The following FAM161B variants were observed in gnomAD, a reference collection of about 807,000 sequenced individuals.
FAM161B encodes the protein protein FAM161B.
Under a neutral mutation model 61.5 loss-of-function variants are expected in FAM161B, and 46 were observed. The observed-to-expected ratio is 0.75, with a 90% CI of 0.59 to 0.96. The LOEUF (loss-of-function observed/expected upper bound fraction) is 0.96, where lower values mean the gene tolerates loss of function less well. Among genes scored for constraint, FAM161B ranks in the 40% least tolerant of loss-of-function variants. The probability of loss-of-function intolerance (pLI) is 0.00; values close to 1 mark genes in which losing one functional copy is unlikely to be tolerated. For synonymous variants in FAM161B, 284 were observed against 302.7 expected, an observed-to-expected ratio of 0.94 and a Z score of 0.64; for missense variants, 774 against 800.7, an observed-to-expected ratio of 0.97 and a Z score of 0.40.
downstream of FAM161B, chr14:73,931,983 G>GT (rs1168096193): frequency 6.6e-6 from 3 of 456,516 alleles, no homozygotes; most frequent in African/African-American, 6.0e-5. Context: ...AAGATGCCTT[G>GT]TTGCTTTGAA....
intron 5 of FAM161B, among the ~76,000 whole-genome samples, chr14:73,938,557 G>C (rs1045484949): frequency 6.6e-6 from 1 of 151,950 alleles, no homozygotes; most frequent in African/African-American, 2.4e-5. Flanking sequence ...CGGATCACAA[G>C]GTCAGGAGAT....
At chr14:73,934,816 T>C (rs2055957525) in intron 8 of FAM161B, among the ~76,000 whole-genome samples, 2 of 151,642 alleles carry the variant, frequency 1.3e-5, no homozygotes. Context: ...TGGGAGGCCA[T>C]GGCAGGTGAA....
At chr14:73,924,671 C>A in the FAM161B span, 1 of 445,818 alleles carries the variant, frequency 2.2e-6, no homozygotes, top group Non-Finnish European at 4.5e-6. Flanking sequence ...GTCTTTTCTC[C>A]TCTTTTCTTT....
chr14:73,924,472 A>G, the FAM161B span, among the ~76,000 whole-genome samples: 1 of 152,158 alleles, frequency 6.6e-6, no homozygotes, highest in Non-Finnish European at 1.5e-5. Context: ...TCAACTCTGT[A>G]GTTTGGCTTT....
rs2055950511 is a variant in FAM161B, at chr14:73,934,145, G to A, written c.*111C>T. 7.7e-7 allele frequency: 1 copy of A among 1,302,094 alleles called. No individual in the cohort carries two copies. The highest frequency in any genetic ancestry group is 1.5e-5 in the African/African-American group (1 of 66,922). The allele number at this position is 1,302,094 out of a possible 1,614,324, so 80.7% of individuals were successfully genotyped here. A position where few individuals can be genotyped will look rare whatever the true frequency, so the allele number is the denominator to read the frequency against. On this transcript the variant is annotated 3_prime_UTR_variant, in exon 9 of 9. Coordinates refer to ENST00000286544, the MANE Select transcript of FAM161B (RefSeq NM_152445.3). ...CCTGTTAATCTGCTACTCTTCATTT[G>A]TCCATCCTCTAACAGTAGCCATGAC...
At position 73,946,407 on chromosome 14, in the gene FAM161B, A is replaced by C; in HGVS notation, c.253T>G (p.Ser85Ala). ...CTCTCTGGGTCAGACTGAAAGAGAG[A>C]CTCCAACAGACACCATCTCCCTTTC... ...KQKGRWCLLE[S>A]LFQSDPESDE... The change falls in exon 2 of 9, where the codon TCT (serine) becomes GCT (alanine). Residue 85 changes from serine (S) to alanine (A), a missense_variant. By Grantham distance (99) the Ser-to-Ala change is moderately conservative. Coordinates refer to ENST00000286544, the MANE Select transcript of FAM161B (RefSeq NM_152445.3). The C allele has an allele frequency of 6.2e-7, 1 of 1,614,014 alleles. No individual in the cohort carries two copies. Among genetic ancestry groups the C allele is most frequent in the South Asian group, 1.1e-5 (1 of 91,068 alleles).
chr14:73,947,246 G>A (rs1022835095), intron 1 of FAM161B, among the ~76,000 whole-genome samples: 6 of 152,018 alleles, frequency 3.9e-5, no homozygotes, highest in Admixed American at 1.3e-4. Flanking sequence ...TTAGTTGGGC[G>A]TGGTGGCGGG....
At chr14:73,942,165 A>AT (rs1256953929) in intron 4 of FAM161B, among the ~76,000 whole-genome samples, 34 of 150,382 alleles carry the variant, frequency 2.3e-4, no homozygotes, top group South Asian at 1.9e-3. Context: ...AAATATTTGT[A>AT]TTTTTCTTTT....
rs777366901 is a variant in FAM161B, at chr14:73,940,963, T to C, written c.1363A>G (p.Ile455Val). The C allele has an allele frequency of 6.2e-7, 1 of 1,613,710 alleles. No homozygotes were observed. Among genetic ancestry groups the C allele is most frequent in the Non-Finnish European group, 8.5e-7 (1 of 1,179,766 alleles). ...TCCCTCTTCCTGGTGGCATCTGTGATGTGCACAGGGAGAGTGTTGGCAGAG... is the reference window on the plus strand; with the variant it reads ...TCCCTCTTCCTGGTGGCATCTGTGACGTGCACAGGGAGAGTGTTGGCAGAG... ...SLSANTLPVHITDATRKRESA... is the reference protein window; with the variant it reads ...SLSANTLPVHVTDATRKRESA... Residue 455 changes from isoleucine to valine, a missense_variant, in exon 5 of 9, where the codon ATC becomes GTC. Physicochemically the swap from Ile to Val is conservative, Grantham distance 29. Coordinates refer to ENST00000286544, the MANE Select transcript of FAM161B (RefSeq NM_152445.3).
intron 5 of FAM161B, among the ~76,000 whole-genome samples, chr14:73,939,978 C>T (rs2056003633): frequency 6.6e-6 from 1 of 152,160 alleles, no homozygotes; most frequent in African/African-American, 2.4e-5. Context: ...AATTAATTAG[C>T]CCTGATTTAG....
At chr14:73,924,185 C>T in the FAM161B span, among the ~76,000 whole-genome samples, 3 of 152,164 alleles carry the variant, frequency 2.0e-5, no homozygotes, top group Non-Finnish European at 2.9e-5. Flanking sequence ...TTCGTTTCAC[C>T]TCAGGTCATC....
rs763713080 is a variant in FAM161B at position 73,946,527 on chromosome 14, T to C, written c.133A>G (p.Ser45Gly). 1.9e-6 allele frequency: 3 copies of C among 1,614,228 alleles called. No individual in the cohort carries two copies. Among genetic ancestry groups the C allele is most frequent in the Non-Finnish European group, 2.5e-6 (3 of 1,180,040 alleles). The change falls in exon 2 of 9, where the codon AGC becomes GGC. Residue 45 changes from serine (S) to glycine (G), a missense_variant. Coordinates refer to ENST00000286544, the MANE Select transcript of FAM161B (RefSeq NM_152445.3). ...GGGCTGAGGAACTCGTCAAGTTTGC[T>C]GGCCCTGGGCAAAACCAGCCCATCC... ...SGDGLVLPRA[S>G]KLDEFLSPEE...
In FAM161B at chr14:73,944,299, AG is replaced by A. The variant is rs142062208; in HGVS notation, c.925+35del. 2.4e-3 allele frequency: 3,740 copies of A among 1,539,926 alleles called. 80 individuals are homozygous for A. In the African/African-American group the frequency reaches 0.047, roughly 19 times the overall value. Reference sequence around the variant, plus strand: ...TCCCTATGGTGGGATTGGTTCCCCGAGGCAGGAGGCAGCAAGGTGGCAAGGA... The same window carrying A: ...TCCCTATGGTGGGATTGGTTCCCCGAGCAGGAGGCAGCAAGGTGGCAAGGA... On this transcript the variant is annotated intron_variant, in intron 3 of 8. Coordinates refer to ENST00000286544, the MANE Select transcript of FAM161B (RefSeq NM_152445.3).
chr14:73,938,253 G>T, intron 5 of FAM161B, 141 bp from the exon 6 acceptor site: 1 of 855,572 alleles, frequency 1.2e-6, no homozygotes, highest in Non-Finnish European at 1.8e-6. Flanking sequence ...GAGGTCAGGA[G>T]TCCAAGACCA....
rs1158713641 is a variant in FAM161B at position 73,942,701 on chromosome 14, T to C, written c.940A>G (p.Arg314Gly). ...GCTCTCATTTGGATGCGAATTTTCC[T>C]GAAGAGCTCAGCTTCTGTGGAGAAA... ...GDKLQEAELF[R>G]KIRIQMRALD... is the part of the protein sequence containing the mutation. The change falls in exon 4 of 9, where the codon AGG becomes GGG. Residue 314 changes from arginine (R) to glycine (G), a missense_variant. Coordinates refer to ENST00000286544, the MANE Select transcript of FAM161B (RefSeq NM_152445.3). 1.2e-6 allele frequency: 2 copies of C among 1,612,558 alleles called. No individual in the cohort carries two copies. Among genetic ancestry groups the C allele is most frequent in the African/African-American group, 1.3e-5 (1 of 74,992 alleles).
chr14:73,944,067 G>C (rs1348463378), intron 3 of FAM161B, among the ~76,000 whole-genome samples: 1 of 152,188 alleles, frequency 6.6e-6, no homozygotes. Flanking sequence ...CTGTGCTGGT[G>C]CAGAGGCCCT....
At chr14:73,935,415 C>T (rs1254089814) in intron 8 of FAM161B, among the ~76,000 whole-genome samples, 2 of 151,852 alleles carry the variant, frequency 1.3e-5, no homozygotes, top group African/African-American at 4.8e-5. Flanking sequence ...GTAATCCCAG[C>T]TACTCGGGAG....
chr14:73,941,624 C>G (rs1283837025), intron 4 of FAM161B, among the ~76,000 whole-genome samples: 1 of 152,174 alleles, frequency 6.6e-6, no homozygotes, highest in Non-Finnish European at 1.5e-5. Flanking sequence ...GATCCCAACT[C>G]CTTGCCTCTC....
In FAM161B at chr14:73,933,493, C is replaced by T. The variant is rs1566671668; in HGVS notation, c.*763G>A. The T allele has an allele frequency of 1.3e-5, 2 of 152,122 alleles. No homozygotes were observed. The highest frequency in any genetic ancestry group is 2.1e-4 in the South Asian group (1 of 4,832). 9.4% of individuals were successfully genotyped at this position (152,122 alleles called of 1,614,324 possible). A position where few individuals can be genotyped will look rare whatever the true frequency, so the allele number is the denominator to read the frequency against. On this transcript the variant is annotated 3_prime_UTR_variant, in exon 9 of 9. Coordinates refer to ENST00000286544, the MANE Select transcript of FAM161B (RefSeq NM_152445.3). The stretch of plus-strand genomic sequence containing the variant: ...GATATGCAGATGTATTTTATTTTGC[C>T]CATACAATATTTCTAAGTAATTTTT...
Sources: gnomAD v4.1 joint callset for allele counts (sites outside exome capture counted in the v4.1 genomes callset) on GRCh38, gnomAD v4.1.1 for gene constraint, MANE v1.5 for transcripts, NCBI Gene and HGNC (gene_info 2026-07-23, HGNC 2026-07-21) for gene names.